The following HACD2 variants were observed in gnomAD, a reference collection of about 807,000 sequenced individuals.
HACD2 encodes 3-hydroxyacyl-CoA dehydratase 2, also known as very-long-chain (3R)-3-hydroxyacyl-CoA dehydratase 2.
In HACD2, 15 loss-of-function variants were observed where a neutral mutation model predicts 31.0. The ratio of observed to expected loss-of-function variants is 0.48; its 90% CI spans 0.32 to 0.75. HACD2 has a LOEUF of 0.75. HACD2 is among the 30% of genes least tolerant of loss of function. The pLI is 0.03. For missense variants in HACD2, 283 were observed against 313.0 expected, an observed-to-expected ratio of 0.90 and a Z score of 0.72; for synonymous variants, 115 against 122.2, an observed-to-expected ratio of 0.94 and a Z score of 0.39.
intron 3 of HACD2, among the ~76,000 whole-genome samples, chr3:123,533,947 G>A (rs769787444): frequency 4.6e-5 from 7 of 152,190 alleles, no homozygotes; most frequent in African/African-American, 1.7e-4. Flanking sequence ...GTTATAACTT[G>A]AGAAATAGTT....
At position 123,494,238 on chromosome 3, in the gene HACD2, G is replaced by C. The variant is rs781271787; in HGVS notation, c.*650C>G. The C allele has an allele frequency of 6.6e-6, 1 of 152,578 alleles. No homozygotes were observed. The highest frequency in any genetic ancestry group is 2.4e-5 in the African/African-American group (1 of 41,446). 9.5% of individuals were successfully genotyped at this position (152,578 alleles called of 1,614,324 possible). On this transcript the variant is annotated 3_prime_UTR_variant, in exon 7 of 7. Transcript: ENST00000383657. ...TTATTAGATTCAAGCACGTTTCTTA[G>C]TGGCAGGCAGTAATGACTCAATTGG...
chr3:123,555,198 A>C (rs2056660984), intron 3 of HACD2, among the ~76,000 whole-genome samples: 1 of 152,226 alleles, frequency 6.6e-6, no homozygotes, highest in Non-Finnish European at 1.5e-5. Context: ...TATTGAGTAA[A>C]GAATATGAAG....
At chr3:123,577,094 A>G (rs6774298) in intron 2 of HACD2, among the ~76,000 whole-genome samples, 20,820 of 152,120 alleles carry the variant, frequency 0.14, 1,553 homozygotes, top group East Asian at 0.24. Context: ...ATTTTTGTAG[A>G]TAAGGGGTTT....
chr3:123,528,952 C>T (rs2056318137), intron 3 of HACD2, among the ~76,000 whole-genome samples: 1 of 151,930 alleles, frequency 6.6e-6, no homozygotes, highest in African/African-American at 2.4e-5. Flanking sequence ...CTTTTATTAT[C>T]TACTTGAATA....
intron 3 of HACD2, among the ~76,000 whole-genome samples, chr3:123,529,201 A>G (rs1031523651): frequency 3.3e-5 from 5 of 152,040 alleles, no homozygotes; most frequent in African/African-American, 1.2e-4. Context: ...CCCAGGTTCA[A>G]GTGATTCTTG....
At chr3:123,544,878 A>G (rs1277764366) in intron 3 of HACD2, among the ~76,000 whole-genome samples, 1 of 151,850 alleles carries the variant, frequency 6.6e-6, no homozygotes, top group Non-Finnish European at 1.5e-5. Context: ...GTTTGAGACC[A>G]GTCTGGGGAA....
At chr3:123,536,574 C>G (rs995980096) in intron 3 of HACD2, among the ~76,000 whole-genome samples, 1 of 152,166 alleles carries the variant, frequency 6.6e-6, no homozygotes, top group Non-Finnish European at 1.5e-5. Context: ...CAACATGGAA[C>G]AGAAACCTGA....
chr3:123,552,270 A>T (rs2056628076), intron 3 of HACD2, among the ~76,000 whole-genome samples: 1 of 152,210 alleles, frequency 6.6e-6, no homozygotes, highest in East Asian at 1.9e-4. Context: ...GGAAGAAATG[A>T]GTAAAAAAGA....
At chr3:123,528,039 G>T (rs955427461) in intron 4 of HACD2, among the ~76,000 whole-genome samples, 12 of 152,186 alleles carry the variant, frequency 7.9e-5, no homozygotes, top group Non-Finnish European at 1.5e-4. Flanking sequence ...CAGGCAGATT[G>T]CTTGAGCTCA....
chr3:123,539,993 G>A (rs989104804), intron 3 of HACD2, among the ~76,000 whole-genome samples: 5 of 147,650 alleles, frequency 3.4e-5, no homozygotes, highest in South Asian at 4.3e-4. Flanking sequence ...AGGCTGAGAC[G>A]GGAGGATCAC....
chr3:123,558,566 C>G (rs2056695497), intron 3 of HACD2, among the ~76,000 whole-genome samples: 2 of 151,822 alleles, frequency 1.3e-5, no homozygotes, highest in Admixed American at 6.6e-5. Flanking sequence ...CCTAAAACTG[C>G]TCTAAAAAAA....
intron 3 of HACD2, among the ~76,000 whole-genome samples, chr3:123,543,328 A>G (rs532498056): frequency 2.0e-5 from 3 of 152,344 alleles, no homozygotes; most frequent in African/African-American, 4.8e-5. Flanking sequence ...TTACATGGAA[A>G]AAGAAACCCT....
chr3:123,582,111 A>T, intron 2 of HACD2, 101 bp downstream of exon 2: 2 of 713,748 alleles, frequency 2.8e-6, no homozygotes, highest in Non-Finnish European at 4.2e-6. Flanking sequence ...TTCAAAATTT[A>T]ACATGAATCC....
At chr3:123,524,523 G>C (rs1010936333) in intron 4 of HACD2, among the ~76,000 whole-genome samples, 3 of 152,192 alleles carry the variant, frequency 2.0e-5, no homozygotes, top group Non-Finnish European at 4.4e-5. Flanking sequence ...GATTTAGCAG[G>C]AGAATCATAT....
At chr3:123,503,221 C>T (rs146035187) in intron 4 of HACD2, among the ~76,000 whole-genome samples, 107 of 150,756 alleles carry the variant, frequency 7.1e-4, no homozygotes, top group African/African-American at 2.4e-3. Context: ...GCCGAGATAG[C>T]GCCACTGCAC....
intron 4 of HACD2, among the ~76,000 whole-genome samples, chr3:123,503,175 G>A (rs934214508): frequency 1.3e-5 from 2 of 151,880 alleles, no homozygotes; most frequent in Non-Finnish European, 2.9e-5. Context: ...TGAGGCAGGA[G>A]AGTCGCTTGA....
At chr3:123,542,146 CAAAAAAAAAA>C (rs11391480) in intron 3 of HACD2, among the ~76,000 whole-genome samples, 8 of 41,094 alleles carry the variant, frequency 1.9e-4, no homozygotes, top group African/African-American at 8.6e-4. Flanking sequence ...GACTCCGTCT[CAAAAAAAAAA>C]AAAAAAAAAA....
At chr3:123,505,913 G>A (rs1426539310) in intron 4 of HACD2, among the ~76,000 whole-genome samples, 2 of 152,214 alleles carry the variant, frequency 1.3e-5, no homozygotes, top group Non-Finnish European at 2.9e-5. Flanking sequence ...ATTGGCCACC[G>A]CACAAAGTTG....
intron 4 of HACD2, among the ~76,000 whole-genome samples, chr3:123,513,839 T>G (rs1392551186): frequency 6.6e-6 from 1 of 152,166 alleles, no homozygotes; most frequent in Non-Finnish European, 1.5e-5. Context: ...TAGTGTTGTA[T>G]CAAGGCTGAT....
Sources: gnomAD v4.1 joint callset for allele counts (sites outside exome capture counted in the v4.1 genomes callset) on GRCh38, gnomAD v4.1.1 for gene constraint, MANE v1.5 for transcripts, NCBI Gene and HGNC (gene_info 2026-07-23, HGNC 2026-07-21) for gene names.